ZBTB34: variants seen among roughly 807,000 people sequenced by gnomAD.
ZBTB34 encodes zinc finger and BTB domain containing 34.
Under a neutral mutation model 33.4 loss-of-function variants are expected in ZBTB34, and 1 was observed. That is an observed-to-expected ratio of 0.03 (90% confidence interval 0.01 to 0.14). ZBTB34 has a LOEUF of 0.14. Ranked by LOEUF, ZBTB34 falls within the 10% of genes least tolerant of loss-of-function variation. The probability of loss-of-function intolerance (pLI) is 1.00; values close to 1 mark genes in which losing one functional copy is unlikely to be tolerated. For missense variants in ZBTB34, 406 were observed against 657.2 expected, an observed-to-expected ratio of 0.62 and a Z score of 4.18; for synonymous variants, 283 against 253.5, an observed-to-expected ratio of 1.12 and a Z score of -1.11.
chr9:126,873,532 G>T (rs2033309218), intron 1 of ZBTB34, among the ~76,000 whole-genome samples: 1 of 152,134 alleles, frequency 6.6e-6, no homozygotes, highest in African/African-American at 2.4e-5. Flanking sequence ...CCAAAGTGCT[G>T]GGATTACAGG....
chr9:126,877,009 A>T (rs566182604), intron 1 of ZBTB34, among the ~76,000 whole-genome samples: 8 of 152,240 alleles, frequency 5.3e-5, no homozygotes, highest in African/African-American at 1.7e-4. Flanking sequence ...GTCTGTGATT[A>T]TGTGCTGTTT....
chr9:126,877,717 T>C (rs2033380524), intron 1 of ZBTB34, among the ~76,000 whole-genome samples: 1 of 152,196 alleles, frequency 6.6e-6, no homozygotes, highest in South Asian at 2.1e-4. Context: ...TTAAAAACAC[T>C]GTCTTGGCAG....
At position 126,875,810 on chromosome 9, in the gene ZBTB34, G is replaced by A. The variant is rs79971049; in HGVS notation, c.-10-3580G>A. Among the ~76,000 whole-genome samples the A allele has an allele frequency of 6.5e-3, 985 of 152,148 alleles. 38 individuals are homozygous for A. In the East Asian group the frequency reaches 0.1, roughly 16 times the overall value. ...TAATGTTACTTTGGCTAGAAGTTCT[G>A]AAATAATGTTAAGTGAGAGTCGTGA... On this transcript the variant is annotated intron_variant, in intron 1 of 1. Transcript: ENST00000319119.
intron 1 of ZBTB34, among the ~76,000 whole-genome samples, chr9:126,871,763 T>C (rs963108840): frequency 2.0e-5 from 3 of 152,126 alleles, no homozygotes. Context: ...AGTTTTATTA[T>C]TTCTGTTCTG....
chr9:126,864,984 G>T (rs1022456566), intron 1 of ZBTB34, among the ~76,000 whole-genome samples: 3 of 152,186 alleles, frequency 2.0e-5, no homozygotes, highest in Non-Finnish European at 4.4e-5. Flanking sequence ...GAAGCCAGCA[G>T]GTGCAAATCT....
chr9:126,868,794 C>G (rs1035906635), intron 1 of ZBTB34, among the ~76,000 whole-genome samples: 1 of 152,154 alleles, frequency 6.6e-6, no homozygotes, highest in Admixed American at 6.5e-5. Context: ...CCTTCAAACA[C>G]CAAAAGGACC....
intron 1 of ZBTB34, among the ~76,000 whole-genome samples, chr9:126,865,195 CAG>C (rs1320178517): frequency 1.3e-5 from 2 of 152,234 alleles, no homozygotes; most frequent in African/African-American, 4.8e-5. Flanking sequence ...TTGCTGTGGG[CAG>C]AGACGATCCC....
At chr9:126,868,829 G>A (rs952481162) in intron 1 of ZBTB34, among the ~76,000 whole-genome samples, 1 of 152,118 alleles carries the variant, frequency 6.6e-6, no homozygotes, top group Non-Finnish European at 1.5e-5. Context: ...CTAGATCTGT[G>A]GTTTCTAATT....
chr9:126,879,463 G>T lies in ZBTB34; in HGVS notation c.64G>T (p.Val22Phe). 1 of 1,613,888 alleles carries T rather than the reference G, an allele frequency of 6.2e-7. No individual in the cohort carries two copies. Reference sequence around the variant, plus strand: ...TGATGTGCCCGAGTACAGCAGCACCGTTCTGAGCCAGCTAAACGAACTCCG... The same window carrying T: ...TGATGTGCCCGAGTACAGCAGCACCTTTCTGAGCCAGCTAAACGAACTCCG... The change falls in exon 2 of 2, where the codon GTT becomes TTT. Residue 22 changes from valine (V) to phenylalanine (F), a missense_variant. Transcript: ENST00000319119. This position sits in a 1 kb window ranked among gnomAD's most constrained non-coding sequence, Gnocchi z 6.4.
At chr9:126,881,053 C>T in exon 2 of ZBTB34, 5 of 987,994 alleles carry the variant, frequency 5.1e-6, no homozygotes, top group Non-Finnish European at 7.4e-6. Flanking sequence ...CTGGATGGAA[C>T]ACTTCGTTGT....
intron 1 of ZBTB34, among the ~76,000 whole-genome samples, chr9:126,874,523 G>A (rs557904821): frequency 3.1e-4 from 47 of 152,196 alleles, no homozygotes; most frequent in African/African-American, 1.1e-3. Flanking sequence ...GTTATTTTGG[G>A]GTATGCTGTG....
In ZBTB34 at chr9:126,879,305, G is replaced by T; in HGVS notation, c.-10-85G>T. ...TTTAGGAGGTATGATAGCCACAATG[G>T]TATTGTTGTTGTAAGCTTGTGTTTA... On this transcript the variant is annotated intron_variant, in intron 1 of 1. Coordinates refer to ENST00000319119, the Ensembl canonical transcript of ZBTB34. The surrounding 1 kb of genome is among the most constrained non-coding windows in gnomAD (Gnocchi z 6.4). The T allele has an allele frequency of 9.2e-7, 1 of 1,091,056 alleles. No homozygotes were observed. Among genetic ancestry groups the T allele is most frequent in the East Asian group, 2.4e-5 (1 of 41,778 alleles). 67.6% of individuals were successfully genotyped at this position (1,091,056 alleles called of 1,614,324 possible).
chr9:126,879,177 G>A lies in ZBTB34; in HGVS notation c.-10-213G>A, dbSNP rs2033401549. Among the ~76,000 whole-genome samples the A allele has an allele frequency of 6.6e-6, 1 of 152,146 alleles. No homozygotes were observed. The highest frequency in any genetic ancestry group is 1.5e-5 in the Non-Finnish European group (1 of 68,036). ...TACTTTTGATCAAGATGAATATTAG[G>A]CAATTATGACATTAGGCTAATTGAT... On this transcript the variant is annotated intron_variant, in intron 1 of 1. Coordinates refer to ENST00000319119, the Ensembl canonical transcript of ZBTB34. The surrounding 1 kb of genome is among the most constrained non-coding windows in gnomAD (Gnocchi z 6.4).
chr9:126,881,089 C>A, exon 2 of ZBTB34: 1 of 717,576 alleles, frequency 1.4e-6, no homozygotes, highest in Non-Finnish European at 2.3e-6. Flanking sequence ...TGCCCTCCCT[C>A]CCCGAAGGAG....
chr9:126,878,257 G>T lies in ZBTB34; in HGVS notation c.-10-1133G>T, dbSNP rs574556409. Among the ~76,000 whole-genome samples the T allele has an allele frequency of 3.3e-5, 5 of 151,966 alleles. No homozygotes were observed. The East Asian group carries it at 9.7e-4, about 29-fold the overall frequency. Reference sequence around the variant, plus strand: ...GGCCGAGGGGAGCAGATCACCTGAGGTCAGGAGTTCGAGACCAGCCTGGAC... The same window carrying T: ...GGCCGAGGGGAGCAGATCACCTGAGTTCAGGAGTTCGAGACCAGCCTGGAC... On this transcript the variant is annotated intron_variant, in intron 1 of 1. Coordinates refer to ENST00000319119, the Ensembl canonical transcript of ZBTB34.
At chr9:126,876,847 C>T (rs1215174304) in intron 1 of ZBTB34, among the ~76,000 whole-genome samples, 1 of 152,140 alleles carries the variant, frequency 6.6e-6, no homozygotes, top group African/African-American at 2.4e-5. Flanking sequence ...TAAATAAGGG[C>T]ACAGTATTCC....
intron 1 of ZBTB34, among the ~76,000 whole-genome samples, chr9:126,874,003 T>TATTG (rs1376392349): frequency 6.6e-6 from 1 of 151,808 alleles, no homozygotes; most frequent in Non-Finnish European, 1.5e-5. Flanking sequence ...ATTTGGCTTT[T>TATTG]ATTGATTTGT....
intron 1 of ZBTB34, among the ~76,000 whole-genome samples, chr9:126,868,790 A>G (rs1003079081): frequency 4.6e-5 from 7 of 152,162 alleles, no homozygotes; most frequent in African/African-American, 7.2e-5. Flanking sequence ...TTCACCTTCA[A>G]ACACCAAAAG....
exon 2 of ZBTB34, chr9:126,881,059 G>C: frequency 2.1e-6 from 2 of 942,944 alleles, no homozygotes; most frequent in South Asian, 1.8e-5. Context: ...GGAACACTTC[G>C]TTGTGTTTAT....
Sources: gnomAD v4.1 joint callset for allele counts (sites outside exome capture counted in the v4.1 genomes callset) on GRCh38, gnomAD v4.1.1 for gene constraint, Gnocchi (gnomAD v3.1) non-coding constraint, MANE v1.5 for transcripts, NCBI Gene and HGNC (gene_info 2026-07-23, HGNC 2026-07-21) for gene names.